MGAT4C: variants seen among roughly 807,000 people sequenced by gnomAD.
MGAT4C encodes MGAT4 family member C, also known as alpha-1,3-mannosyl-glycoprotein 4-beta-N-acetylglucosaminyltransferase C.
A neutral mutation model predicts 40.1 loss-of-function variants in MGAT4C; 19 were observed. That is an observed-to-expected ratio of 0.47 (90% CI 0.33 to 0.70). MGAT4C has a LOEUF of 0.70. Among genes scored for constraint, MGAT4C ranks in the 30% least tolerant of loss-of-function variants. The pLI is 0.02. For missense variants in MGAT4C, 491 were observed against 563.2 expected (o/e 0.87, Z 1.30); for synonymous variants, 181 against 187.1 (o/e 0.97, Z 0.27).
chr12:86,807,635 A>G (rs2136212033), intron 1 of MGAT4C, among the ~76,000 whole-genome samples: 1 of 152,254 alleles, frequency 6.6e-6, no homozygotes, highest in East Asian at 1.9e-4. Context: ...CTTTGCATAT[A>G]TAACCACTAA....
chr12:86,620,803 A>T (rs573545154), intron 2 of MGAT4C, among the ~76,000 whole-genome samples: 1 of 152,236 alleles, frequency 6.6e-6, no homozygotes, highest in South Asian at 2.1e-4. Context: ...TCTTGTGGTA[A>T]TGAATGAGTT....
rs116705987 is a variant in MGAT4C, at chr12:86,625,284, T to C, written c.-229+101925A>G. 4.6e-3 allele frequency among the ~76,000 whole-genome samples: 698 copies of C among 152,258 alleles called. 3 individuals carry two copies. Among genetic ancestry groups the C allele is most frequent in the African/African-American group, 0.016 (673 of 41,544 alleles). ...AACTGTAAGTCAATTAAACCTCCTT[T>C]GCTTATAAATTACCCAGTCTTGAGT... is the stretch of plus-strand genomic sequence containing the variant. On this transcript the variant is annotated intron_variant, in intron 2 of 7. Transcript: ENST00000548651.
chr12:86,449,581 T>A (rs1957390834), intron 2 of MGAT4C, among the ~76,000 whole-genome samples: 1 of 152,160 alleles, frequency 6.6e-6, no homozygotes, highest in African/African-American at 2.4e-5. Flanking sequence ...ATTATCACTG[T>A]ACCCAACGAC....
chr12:86,589,154 G>A (rs1345524299), intron 2 of MGAT4C, among the ~76,000 whole-genome samples: 3 of 151,536 alleles, frequency 2.0e-5, no homozygotes, highest in Non-Finnish European at 2.9e-5. Flanking sequence ...ATAGACCGCT[G>A]GCAAGACTAA....
At chr12:86,386,770 T>C (rs1956059682) in intron 3 of MGAT4C, among the ~76,000 whole-genome samples, 1 of 152,220 alleles carries the variant, frequency 6.6e-6, no homozygotes, top group African/African-American at 2.4e-5. Context: ...CAGTGGACTT[T>C]AGTGGAATAT....
intron 3 of MGAT4C, among the ~76,000 whole-genome samples, chr12:86,344,197 A>G (rs1382930312): frequency 6.6e-6 from 1 of 152,244 alleles, no homozygotes; most frequent in Non-Finnish European, 1.5e-5. Context: ...CAAGGATGCA[A>G]ACACTTAAGA....
intron 2 of MGAT4C, among the ~76,000 whole-genome samples, chr12:86,696,804 T>C (rs137889810): frequency 6.6e-6 from 1 of 152,292 alleles, no homozygotes; most frequent in East Asian, 1.9e-4. Flanking sequence ...TTTTTTTTAA[T>C]ATGAGCCCAC....
At chr12:86,276,354 G>A (rs749027973) in intron 4 of MGAT4C, among the ~76,000 whole-genome samples, 110 of 152,182 alleles carry the variant, frequency 7.2e-4, no homozygotes, top group Non-Finnish European at 1.1e-3. Flanking sequence ...CATACAATGT[G>A]TAATAATCAC....
chr12:85,982,170 GT>G (rs1884670226), intron 4 of MGAT4C, among the ~76,000 whole-genome samples: 1 of 151,834 alleles, frequency 6.6e-6, no homozygotes, highest in Non-Finnish European at 1.5e-5. Flanking sequence ...AAGATTCATG[GT>G]TTTTTTGTTT....
At chr12:86,407,565 G>C (rs562157178) in intron 3 of MGAT4C, among the ~76,000 whole-genome samples, 1 of 152,196 alleles carries the variant, frequency 6.6e-6, no homozygotes, top group Admixed American at 6.6e-5. Context: ...TTGTGGTTCA[G>C]TGGGATTAAT....
intron 3 of MGAT4C, among the ~76,000 whole-genome samples, chr12:86,377,326 T>G (rs546925556): frequency 1.3e-5 from 2 of 152,292 alleles, no homozygotes; most frequent in South Asian, 2.1e-4. Flanking sequence ...CCCAAAGTGC[T>G]GGGATTACAG....
intron 2 of MGAT4C, among the ~76,000 whole-genome samples, chr12:86,675,006 T>A (rs1237121651): frequency 6.6e-6 from 1 of 152,194 alleles, no homozygotes. Context: ...ACCTTCATTA[T>A]AACATATACT....
chr12:86,814,329 CGT>C (rs1491204919), intron 1 of MGAT4C, among the ~76,000 whole-genome samples: 1 of 916 alleles, frequency 1.1e-3, no homozygotes. Context: ...TATACATATA[CGT>C]ATATATATAC....
intron 2 of MGAT4C, among the ~76,000 whole-genome samples, chr12:86,543,538 G>T (rs1006443048): frequency 5.9e-5 from 9 of 151,696 alleles, no homozygotes; most frequent in African/African-American, 2.2e-4. Flanking sequence ...CTATGTTCCA[G>T]GTATAGTACT....
chr12:86,814,112 G>C (rs557388287), intron 1 of MGAT4C, among the ~76,000 whole-genome samples: 1 of 151,540 alleles, frequency 6.6e-6, no homozygotes, highest in African/African-American at 2.4e-5. Flanking sequence ...GGGTTTCACC[G>C]TGTTGCCCAG....
At chr12:86,783,467 C>T (rs1951879296) in intron 1 of MGAT4C, among the ~76,000 whole-genome samples, 1 of 149,730 alleles carries the variant, frequency 6.7e-6, no homozygotes, top group Non-Finnish European at 1.5e-5. Flanking sequence ...TCCATCTTCC[C>T]TTCAAGAAAA....
chr12:86,639,631 T>C (rs1169817167), intron 2 of MGAT4C, among the ~76,000 whole-genome samples: 1 of 151,752 alleles, frequency 6.6e-6, no homozygotes, highest in Non-Finnish European at 1.5e-5. Context: ...CCTATATTAG[T>C]TGAAGTTGAG....
chr12:86,066,114 C>T (rs905849830), intron 1 of MGAT4C, among the ~76,000 whole-genome samples: 2 of 152,092 alleles, frequency 1.3e-5, no homozygotes, highest in East Asian at 1.9e-4. Context: ...GAATCAATAT[C>T]GTGAAAATGG....
intron 1 of MGAT4C, among the ~76,000 whole-genome samples, chr12:86,064,349 C>T (rs1894301680): frequency 1.3e-5 from 2 of 152,246 alleles, no homozygotes; most frequent in South Asian, 2.1e-4. Flanking sequence ...CACTGCACTC[C>T]AGCCTGGGCA....
Sources: gnomAD v4.1 joint callset for allele counts (sites outside exome capture counted in the v4.1 genomes callset) on GRCh38, gnomAD v4.1.1 for gene constraint, MANE v1.5 for transcripts, NCBI Gene and HGNC (gene_info 2026-07-23, HGNC 2026-07-21) for gene names.